PILRB: variants seen among roughly 807,000 people sequenced by gnomAD.
PILRB encodes the protein paired immunoglobin like type 2 receptor beta, also known as paired immunoglobulin-like type 2 receptor beta.
Under a neutral mutation model 20.5 loss-of-function variants are expected in PILRB, and 21 were observed. The observed-to-expected ratio is 1.02, with a 90% CI of 0.72 to 1.47. PILRB has a LOEUF of 1.47. Ranked by LOEUF, PILRB falls within the 40% of genes most tolerant of loss-of-function variation. PILRB has a pLI of 0.00. For synonymous variants in PILRB, 133 were observed against 115.1 expected, an observed-to-expected ratio of 1.16 and a Z score of -0.99; for missense variants, 253 against 272.1, an observed-to-expected ratio of 0.93 and a Z score of 0.49.
rs182827166 is a variant in PILRB at position 100,364,939 on chromosome 7, A to G, written c.656-2410A>G. ...ACTGCACTCCATCCTGGGTGACAGTATAAGATCCTGTCTATTAAAAAAAAA... is the reference window on the plus strand; with the variant it reads ...ACTGCACTCCATCCTGGGTGACAGTGTAAGATCCTGTCTATTAAAAAAAAA... On this transcript the variant is annotated intron_variant, in intron 3 of 3. Coordinates refer to ENST00000609309, the MANE Select transcript of PILRB (RefSeq NM_178238.4). Among the ~76,000 whole-genome samples, 723 of 152,144 alleles carry G rather than the reference A, an allele frequency of 4.8e-3. 3 individuals carry two copies. The highest frequency in any genetic ancestry group is 9.5e-3 in the South Asian group (46 of 4,822).
intron 3 of PILRB, among the ~76,000 whole-genome samples, chr7:100,366,913 T>A (rs1790707335): frequency 6.6e-6 from 1 of 151,748 alleles, no homozygotes; most frequent in African/African-American, 2.4e-5. Context: ...GGAGAACAGG[T>A]CGGGGGGGAG....
At chr7:100,359,290 GC>G (rs770694276) in intron 2 of PILRB, 46 bp from the exon 3 acceptor site, 4 of 1,595,184 alleles carry the variant, frequency 2.5e-6, no homozygotes, top group South Asian at 1.1e-5. Flanking sequence ...TCATCCAGAC[GC>G]CCCACACCCC....
At chr7:100,359,718 G>A (rs1465991546) in intron 3 of PILRB, among the ~76,000 whole-genome samples, 181 bp downstream of exon 3, 1 of 152,124 alleles carries the variant, frequency 6.6e-6, no homozygotes, top group Non-Finnish European at 1.5e-5. Context: ...GTGGGGTGGT[G>A]CAGGGTCACA....
chr7:100,367,558 A>G lies in PILRB; in HGVS notation c.*181A>G. 1 of 613,756 alleles carries G rather than the reference A, an allele frequency of 1.6e-6. No individual in the cohort carries two copies. The highest frequency in any genetic ancestry group is 3.0e-6 in the Non-Finnish European group (1 of 335,554). The allele number at this position is 613,756 out of a possible 1,614,324, so 38.0% of individuals were successfully genotyped here. On this transcript the variant is annotated 3_prime_UTR_variant, in exon 4 of 4. Coordinates refer to ENST00000609309, the MANE Select transcript of PILRB (RefSeq NM_178238.4). ...GGGTCCCTGAATCACCGACTGGAGG[A>G]GAGTTACCTACAAGAGCCTTCATCC... is the stretch of plus-strand genomic sequence containing the variant.
intron 3 of PILRB, among the ~76,000 whole-genome samples, chr7:100,364,199 C>A (rs1158092706): frequency 6.6e-6 from 1 of 151,732 alleles, no homozygotes. Context: ...TGATCCTCAA[C>A]AAGGGTGCCA....
At chr7:100,365,774 C>T (rs564415288) in intron 3 of PILRB, among the ~76,000 whole-genome samples, 5 of 152,136 alleles carry the variant, frequency 3.3e-5, no homozygotes, top group Admixed American at 1.3e-4. Flanking sequence ...GCTGAGATCA[C>T]GTCACTGTAT....
chr7:100,361,419 C>T (rs765772157), intron 3 of PILRB, among the ~76,000 whole-genome samples: 13 of 152,182 alleles, frequency 8.5e-5, no homozygotes, highest in Non-Finnish European at 5.9e-5. Context: ...AGGCCAGGCA[C>T]GGTGGCTAAT....
At chr7:100,365,743 A>G (rs895901011) in intron 3 of PILRB, among the ~76,000 whole-genome samples, 3 of 152,188 alleles carry the variant, frequency 2.0e-5, no homozygotes, top group Non-Finnish European at 4.4e-5. Context: ...ACTGGAACCC[A>G]GGAGATGGAG....
At chr7:100,364,935 C>T (rs1584201448) in intron 3 of PILRB, among the ~76,000 whole-genome samples, 1 of 151,522 alleles carries the variant, frequency 6.6e-6, no homozygotes, top group East Asian at 1.9e-4. Flanking sequence ...TCCTGGGTGA[C>T]AGTATAAGAT....
Position 100,359,353 on chromosome 7 carries a change from C to CACCT in PILRB, c.472_475dup (p.Trp159TyrfsTer63). Reference sequence around the variant, plus strand: ...CTCTTCCAGCTGTCACAACCACCACCACCTGGAGGCCCAGCAGCACAACCA... The same window carrying CACCT: ...CTCTTCCAGCTGTCACAACCACCACCACCTACCTGGAGGCCCAGCAGCACAACCA... On this transcript the variant is annotated frameshift_variant, in exon 3 of 4. Coordinates refer to ENST00000609309, the MANE Select transcript of PILRB (RefSeq NM_178238.4). LOFTEE classifies it high-confidence loss of function. 1 of 1,614,156 alleles carries CACCT rather than the reference C, an allele frequency of 6.2e-7. No homozygotes were observed. Among genetic ancestry groups the CACCT allele is most frequent in the South Asian group, 1.1e-5 (1 of 91,086 alleles).
chr7:100,358,908 A>C lies in PILRB; in HGVS notation c.283A>C (p.Asn95His), dbSNP rs765342742. Reference sequence around the variant, plus strand: ...GCCTTCCATTCACAAGGATTATGTGAACCGGCTCTTTCTGAACTGGACAGA... The same window carrying C: ...GCCTTCCATTCACAAGGATTATGTGCACCGGCTCTTTCTGAACTGGACAGA... ...RPPSIHKDYV[N>H]RLFLNWTEGQ... Residue 95 changes from asparagine to histidine, a missense_variant, in exon 2 of 4, where the codon AAC (asparagine) becomes CAC (histidine). By Grantham distance (68) the Asn-to-His change is moderately conservative (BLOSUM62 1). Coordinates refer to ENST00000609309, the MANE Select transcript of PILRB (RefSeq NM_178238.4). 6.2e-6 allele frequency: 10 copies of C among 1,614,170 alleles called. No individual in the cohort carries two copies. In the South Asian group the frequency reaches 1.1e-4, roughly 18 times the overall value.
chr7:100,363,048 CT>C (rs1216532641), intron 3 of PILRB, among the ~76,000 whole-genome samples: 3 of 149,270 alleles, frequency 2.0e-5, no homozygotes, highest in Admixed American at 6.8e-5. Flanking sequence ...AATCCCAGCA[CT>C]TTTGGAAGTC....
chr7:100,364,049 A>T (rs1029866401), intron 3 of PILRB, among the ~76,000 whole-genome samples: 1 of 151,864 alleles, frequency 6.6e-6, no homozygotes, highest in African/African-American at 2.4e-5. Context: ...CAGAGGTTGC[A>T]GTCAGCCAAG....
chr7:100,364,752 G>A (rs1342060557), intron 3 of PILRB, among the ~76,000 whole-genome samples: 1 of 152,146 alleles, frequency 6.6e-6, no homozygotes, highest in Non-Finnish European at 1.5e-5. Context: ...TTTGCACACC[G>A]ATGTTTGTAG....
chr7:100,367,299 C>T (rs372161030), intron 3 of PILRB, 50 bp from the exon 4 acceptor site: 341 of 780,010 alleles, frequency 4.4e-4, no homozygotes, highest in Non-Finnish European at 7.5e-4. Context: ...GCCTCGCCTG[C>T]CTCACTAATA....
chr7:100,366,790 C>T (rs979738409), intron 3 of PILRB, among the ~76,000 whole-genome samples: 9 of 151,920 alleles, frequency 5.9e-5, no homozygotes, highest in South Asian at 2.1e-4. Flanking sequence ...GAGGGCTCAG[C>T]GATAGAGGGA....
chr7:100,362,332 A>C (rs916308540), intron 3 of PILRB, among the ~76,000 whole-genome samples: 1 of 152,198 alleles, frequency 6.6e-6, no homozygotes, highest in African/African-American at 2.4e-5. Context: ...TAGCAAACCA[A>C]CTTTCACAGC....
In PILRB at chr7:100,367,284, C is replaced by T. The variant is rs192073790; in HGVS notation, c.656-65C>T. 1,541 of 779,544 alleles carry T rather than the reference C, an allele frequency of 2.0e-3. 22 individuals are homozygous for T. In the Admixed American group the frequency reaches 0.024, roughly 12 times the overall value. The allele number at this position is 779,544 out of a possible 1,614,324, so 48.3% of individuals were successfully genotyped here. On this transcript the variant is annotated intron_variant, in intron 3 of 3. Transcript: ENST00000609309. ...TCCCACTTAAATCTGATCTCTGAAGCAACTGCCTCGCCTGCCTCACTAATA... is the reference window on the plus strand; with the variant it reads ...TCCCACTTAAATCTGATCTCTGAAGTAACTGCCTCGCCTGCCTCACTAATA...
intron 3 of PILRB, among the ~76,000 whole-genome samples, chr7:100,362,388 G>T (rs1048325195): frequency 6.6e-6 from 1 of 152,150 alleles, no homozygotes. Context: ...GATAGCCCTG[G>T]AATGCATGTA....
Sources: gnomAD v4.1 joint callset for allele counts (sites outside exome capture counted in the v4.1 genomes callset) on GRCh38, gnomAD v4.1.1 for gene constraint, MANE v1.5 for transcripts, NCBI Gene and HGNC (gene_info 2026-07-23, HGNC 2026-07-21) for gene names.